Variants in RAB38 observed in about 807,000 individuals in gnomAD.
RAB38 encodes RAB38, member RAS oncogene family, also known as ras-related protein Rab-38.
In RAB38, 15 loss-of-function variants were observed where a neutral mutation model predicts 18.4. The observed-to-expected ratio is 0.82, with a 90% CI of 0.55 to 1.26. The LOEUF (loss-of-function observed/expected upper bound fraction) is 1.26, where lower values mean the gene tolerates loss of function less well. RAB38 is among the 50% of genes most tolerant of loss of function. RAB38 has a pLI of 0.00. For synonymous variants in RAB38, 101 were observed against 104.4 expected, an observed-to-expected ratio of 0.97 and a Z score of 0.20; for missense variants, 294 against 267.4, an observed-to-expected ratio of 1.10 and a Z score of -0.69.
chr11:88,071,867 T>G, the RAB38 span, among the ~76,000 whole-genome samples: 3 of 152,286 alleles, frequency 2.0e-5, no homozygotes, highest in East Asian at 5.8e-4. Context: ...ATTTGAAAGC[T>G]CTGGTGTATT....
intron 2 of RAB38, among the ~76,000 whole-genome samples, chr11:88,130,855 G>C (rs541438492): frequency 2.0e-5 from 3 of 152,112 alleles, no homozygotes; most frequent in Non-Finnish European, 4.4e-5. Context: ...AGACCCAAAG[G>C]CAGAAGCGAA....
At chr11:87,958,976 G>A in the RAB38 span, among the ~76,000 whole-genome samples, 1 of 152,032 alleles carries the variant, frequency 6.6e-6, no homozygotes, top group African/African-American at 2.4e-5. Context: ...TCCAATTTCT[G>A]CCCTAGAGAA....
the RAB38 span, among the ~76,000 whole-genome samples, chr11:87,835,923 A>C: frequency 6.6e-6 from 1 of 152,304 alleles, no homozygotes; most frequent in East Asian, 1.9e-4. Context: ...TGATTCTTCA[A>C]TTTTACCCAT....
chr11:87,865,286 T>C, the RAB38 span, among the ~76,000 whole-genome samples: 1 of 151,780 alleles, frequency 6.6e-6, no homozygotes, highest in Admixed American at 6.6e-5. Context: ...TGTCAAATTA[T>C]GCTGGATTAT....
chr11:87,940,610 ATG>A, the RAB38 span, among the ~76,000 whole-genome samples: 2 of 151,888 alleles, frequency 1.3e-5, no homozygotes, highest in African/African-American at 4.8e-5. Context: ...ATCTATATAT[ATG>A]TGTGTGTGTA....
the RAB38 span, among the ~76,000 whole-genome samples, chr11:87,874,303 G>A: frequency 6.6e-5 from 10 of 151,394 alleles, no homozygotes; most frequent in African/African-American, 2.4e-4. Context: ...AAAGTGAAGA[G>A]AAAATCACAG....
At chr11:87,907,050 A>G in the RAB38 span, among the ~76,000 whole-genome samples, 1 of 151,902 alleles carries the variant, frequency 6.6e-6, no homozygotes, top group Non-Finnish European at 1.5e-5. Flanking sequence ...ATGTTTGTGT[A>G]TGTGTGAACA....
the RAB38 span, among the ~76,000 whole-genome samples, chr11:87,936,218 G>T: frequency 6.6e-6 from 1 of 151,768 alleles, no homozygotes; most frequent in African/African-American, 2.4e-5. Flanking sequence ...TCTTTGCCTA[G>T]TTAGACTTAC....
At chr11:88,126,756 T>A (rs944546702) in intron 2 of RAB38, among the ~76,000 whole-genome samples, 1 of 152,100 alleles carries the variant, frequency 6.6e-6, no homozygotes, top group African/African-American at 2.4e-5. Flanking sequence ...TTGCCACTCG[T>A]GTAACCTCCA....
chr11:87,917,017 A>G, the RAB38 span, among the ~76,000 whole-genome samples: 13 of 152,180 alleles, frequency 8.5e-5, no homozygotes, highest in Admixed American at 8.5e-4. Flanking sequence ...AGAGTCATCC[A>G]GGACATATGC....
chr11:88,101,996 C>T, the RAB38 span, among the ~76,000 whole-genome samples: 41,480 of 151,704 alleles, frequency 0.27, 6,090 homozygotes, highest in Middle Eastern at 0.35. Flanking sequence ...AGTAGAAAAA[C>T]GATGACAGCA....
chr11:88,017,388 AAGAG>A, the RAB38 span, among the ~76,000 whole-genome samples: 38 of 150,254 alleles, frequency 2.5e-4, no homozygotes, highest in East Asian at 1.9e-3. Context: ...CACAAACGCA[AAGAG>A]AGAGAGAGAG....
At chr11:88,043,184 A>C in the RAB38 span, among the ~76,000 whole-genome samples, 1 of 152,272 alleles carries the variant, frequency 6.6e-6, no homozygotes, top group South Asian at 2.1e-4. Flanking sequence ...AGACTGTTTT[A>C]ACTCTTCCAT....
chr11:88,029,919 A>C, the RAB38 span, among the ~76,000 whole-genome samples: 1 of 152,156 alleles, frequency 6.6e-6, no homozygotes, highest in African/African-American at 2.4e-5. Flanking sequence ...AAATCAACAG[A>C]ATATACATTT....
chr11:88,106,869 CAG>C, the RAB38 span, among the ~76,000 whole-genome samples: 1 of 152,172 alleles, frequency 6.6e-6, no homozygotes, highest in African/African-American at 2.4e-5. Context: ...TGTTTTAAGA[CAG>C]AAACAGCTCA....
the RAB38 span, among the ~76,000 whole-genome samples, chr11:87,841,595 C>A: frequency 6.6e-6 from 1 of 152,144 alleles, no homozygotes; most frequent in Non-Finnish European, 1.5e-5. Flanking sequence ...TACACATTTT[C>A]TTAATGAATT....
chr11:87,927,027 G>C, the RAB38 span, among the ~76,000 whole-genome samples: 1 of 152,170 alleles, frequency 6.6e-6, no homozygotes, highest in East Asian at 1.9e-4. Context: ...ATAAAGTAAA[G>C]ATTTTGGTTG....
chr11:88,106,154 T>C, the RAB38 span, among the ~76,000 whole-genome samples: 4 of 151,744 alleles, frequency 2.6e-5, no homozygotes, highest in Admixed American at 2.6e-4. Context: ...GACTTTTTTA[T>C]TTCTGGTTTC....
chr11:87,967,036 G>A, the RAB38 span, among the ~76,000 whole-genome samples: 6 of 152,328 alleles, frequency 3.9e-5, no homozygotes, highest in African/African-American at 1.2e-4. Flanking sequence ...CCCTCTGGCT[G>A]AGATTAAGCT....
Sources: gnomAD v4.1 joint callset for allele counts (sites outside exome capture counted in the v4.1 genomes callset) on GRCh38, gnomAD v4.1.1 for gene constraint, MANE v1.5 for transcripts, NCBI Gene and HGNC (gene_info 2026-07-23, HGNC 2026-07-21) for gene names.